Variants in GID4 observed in about 807,000 individuals in gnomAD.
GID4 encodes the protein glucose-induced degradation protein 4 homolog.
Under a neutral mutation model 32.4 loss-of-function variants are expected in GID4, and 7 were observed. The observed-to-expected ratio is 0.22, with a 90% confidence interval of 0.12 to 0.41. The LOEUF (loss-of-function observed/expected upper bound fraction) is 0.41, where lower values mean the gene tolerates loss of function less well. Among genes scored for constraint, GID4 ranks in the 10% least tolerant of loss-of-function variants. The probability of loss-of-function intolerance (pLI) is 1.00; values close to 1 mark genes in which losing one functional copy is unlikely to be tolerated. For synonymous variants in GID4, 166 were observed against 170.0 expected (o/e 0.98, Z 0.18); for missense variants, 309 against 400.0 (o/e 0.77, Z 1.94).
intron 3 of GID4, chr17:18,056,883 A>G: frequency 6.4e-7 from 1 of 1,550,530 alleles, no homozygotes; most frequent in Non-Finnish European, 8.7e-7. Context: ...AGTACTCAGC[A>G]TTTCCCCTAA....
rs1354738399 is a variant in GID4, at chr17:18,066,774, ATT to A, written c.*1534_*1535del. ...TTTCTGTTCTTAAGAAGTGACTTTA[ATT>A]TTATTGACATATGTACTGTATGTTA... On this transcript the variant is annotated 3_prime_UTR_variant, in exon 6 of 6. Coordinates refer to ENST00000268719, the MANE Select transcript of GID4 (RefSeq NM_024052.5). The A allele has an allele frequency of 2.0e-5, 3 of 152,162 alleles. No homozygotes were observed. The highest frequency in any genetic ancestry group is 2.0e-4 in the Admixed American group (3 of 15,272). The allele number at this position is 152,162 out of a possible 1,614,324, so 9.4% of individuals were successfully genotyped here.
At chr17:18,044,491 A>T (rs2044833454) in intron 1 of GID4, among the ~76,000 whole-genome samples, 1 of 152,218 alleles carries the variant, frequency 6.6e-6, no homozygotes, top group Non-Finnish European at 1.5e-5. Flanking sequence ...GACTCTTTTC[A>T]TTAAGAAACA....
At chr17:18,050,458 G>T (rs1209680878) in intron 2 of GID4, among the ~76,000 whole-genome samples, 4 of 152,230 alleles carry the variant, frequency 2.6e-5, no homozygotes, top group African/African-American at 9.6e-5. Flanking sequence ...AGCTTTCAGG[G>T]GTTACCTGGG....
At chr17:18,057,007 AT>A (rs1322727199) in intron 3 of GID4, 3 of 1,546,984 alleles carry the variant, frequency 1.9e-6, no homozygotes, top group Non-Finnish European at 2.6e-6. Context: ...CTAGGCTGTC[AT>A]TTTTTCATTA....
intron 3 of GID4, chr17:18,057,101 G>A: frequency 6.8e-7 from 1 of 1,477,150 alleles, no homozygotes; most frequent in African/African-American, 1.4e-5. Flanking sequence ...GTACTATAAA[G>A]TCAGGATTCC....
intron 5 of GID4, among the ~76,000 whole-genome samples, chr17:18,062,492 C>G (rs1194630797): frequency 2.6e-5 from 4 of 152,152 alleles, no homozygotes; most frequent in Admixed American, 2.6e-4. Context: ...TGAATGCTAA[C>G]TTTTGCCACC....
At position 18,060,070 on chromosome 17, in the gene GID4, G is replaced by A. The variant is rs559401036; in HGVS notation, c.708+1101G>A. On this transcript the variant is annotated intron_variant, in intron 4 of 5. Coordinates refer to ENST00000268719, the MANE Select transcript of GID4 (RefSeq NM_024052.5). The stretch of plus-strand genomic sequence containing the variant: ...CACTGCACTCCAGCCTGGCGACAGA[G>A]CAAGACTCCATCTCAAAAAAAAAAA... Among the ~76,000 whole-genome samples, 10 of 119,182 alleles carry A rather than the reference G, an allele frequency of 8.4e-5. No individual in the cohort carries two copies. The South Asian group carries it at 2.7e-3, about 32-fold the overall frequency. 78.2% of individuals were successfully genotyped at this position (119,182 alleles called of 152,430 possible).
At chr17:18,040,855 A>G (rs1050738655) in intron 1 of GID4, among the ~76,000 whole-genome samples, 24 of 152,298 alleles carry the variant, frequency 1.6e-4, no homozygotes, top group African/African-American at 5.5e-4. Context: ...GTTCATGTCC[A>G]GTCGCCTCCC....
rs992364339 is a variant in GID4, at chr17:18,061,086, A to C, written c.709-759A>C. On this transcript the variant is annotated intron_variant, in intron 4 of 5. Coordinates refer to ENST00000268719, the MANE Select transcript of GID4 (RefSeq NM_024052.5). The surrounding 1 kb of genome is among the most constrained non-coding windows in gnomAD (Gnocchi z 4.4). ...CACAATTTTAGAAGTTGAATAAGGA[A>C]TGGGAGGGTGTCTTAAATTTGTTTA... Among the ~76,000 whole-genome samples the C allele has an allele frequency of 6.6e-6, 1 of 152,200 alleles. No individual in the cohort carries two copies. Among genetic ancestry groups the C allele is most frequent in the African/African-American group, 2.4e-5 (1 of 41,454 alleles).
chr17:18,045,464 T>C (rs1283431365), intron 2 of GID4, among the ~76,000 whole-genome samples: 1 of 152,224 alleles, frequency 6.6e-6, no homozygotes, highest in Non-Finnish European at 1.5e-5. Context: ...GATTTTATTT[T>C]TAATCCTTTT....
At chr17:18,041,918 C>T (rs1029104813) in intron 1 of GID4, among the ~76,000 whole-genome samples, 1 of 152,178 alleles carries the variant, frequency 6.6e-6, no homozygotes, top group Admixed American at 6.5e-5. Context: ...TGGTGGATGG[C>T]TGGGAGCCAC....
In GID4 at chr17:18,061,403, G is replaced by A. The variant is rs2955356; in HGVS notation, c.709-442G>A. Reference sequence around the variant, plus strand: ...TGCTTTGCACTCAGAATGGTCCACAGACCTACAGAAGCGACTCACTGTTCT... The same window carrying A: ...TGCTTTGCACTCAGAATGGTCCACAAACCTACAGAAGCGACTCACTGTTCT... On this transcript the variant is annotated intron_variant, in intron 4 of 5. Transcript: ENST00000268719. This position sits in a 1 kb window ranked among gnomAD's most constrained non-coding sequence, Gnocchi z 4.4. Among the ~76,000 whole-genome samples, 86,364 of 152,062 alleles carry A rather than the reference G, an allele frequency of 0.57. 25,861 individuals are homozygous for A. Among genetic ancestry groups the A allele is most frequent in the Non-Finnish European group, 0.68 (46,022 of 67,980 alleles).
intron 1 of GID4, among the ~76,000 whole-genome samples, chr17:18,043,210 G>T (rs943752018): frequency 9.9e-5 from 15 of 152,178 alleles, no homozygotes; most frequent in African/African-American, 3.6e-4. Flanking sequence ...AGCTGTATGC[G>T]TTGTGGTGTA....
At chr17:18,056,436 C>T (rs574218676) in intron 3 of GID4, among the ~76,000 whole-genome samples, 65 of 152,292 alleles carry the variant, frequency 4.3e-4, no homozygotes, top group African/African-American at 1.2e-3. Context: ...GTACCATCTG[C>T]GCCCACCCCT....
chr17:18,049,142 C>T (rs574023772), intron 2 of GID4, among the ~76,000 whole-genome samples: 17 of 151,214 alleles, frequency 1.1e-4, no homozygotes, highest in African/African-American at 4.1e-4. Flanking sequence ...TTGAGACCAG[C>T]TTGGACAACA....
chr17:18,048,192 C>T (rs140598020), intron 2 of GID4, among the ~76,000 whole-genome samples: 2,365 of 151,284 alleles, frequency 0.016, 32 homozygotes, highest in Non-Finnish European at 0.021. Context: ...TGAGCCACCA[C>T]GCCTGGCCGA....
At chr17:18,062,050 A>G (rs1455107011) in intron 5 of GID4, 75 bp downstream of exon 5, 1 of 1,380,218 alleles carries the variant, frequency 7.2e-7, no homozygotes, top group Non-Finnish European at 1.0e-6. Flanking sequence ...CATCAAACCC[A>G]AAAGCAACAT....
chr17:18,047,149 GT>G (rs1597691056), intron 2 of GID4, among the ~76,000 whole-genome samples: 1 of 152,326 alleles, frequency 6.6e-6, no homozygotes, highest in East Asian at 1.9e-4. Flanking sequence ...CTCCTATGAA[GT>G]TTGTTGTTGA....
In GID4 at chr17:18,068,371, A is replaced by AT. The variant is rs1168686077; in HGVS notation, c.*3131dup. The AT allele has an allele frequency of 8.4e-5, 8 of 94,976 alleles. No homozygotes were observed. The highest frequency in any genetic ancestry group is 2.7e-4 in the African/African-American group (7 of 25,952). The allele number at this position is 94,976 out of a possible 1,614,324, so 5.9% of individuals were successfully genotyped here. ...TTGCAGAGCTATCAATGTCCAAATA[A>AT]TTTAAAAAAAAAAATAAAGGTATTT... On this transcript the variant is annotated 3_prime_UTR_variant, in exon 6 of 6. Coordinates refer to ENST00000268719, the MANE Select transcript of GID4 (RefSeq NM_024052.5).
Sources: gnomAD v4.1 joint callset for allele counts (sites outside exome capture counted in the v4.1 genomes callset) on GRCh38, gnomAD v4.1.1 for gene constraint, Gnocchi (gnomAD v3.1) non-coding constraint, MANE v1.5 for transcripts, NCBI Gene and HGNC (gene_info 2026-07-23, HGNC 2026-07-21) for gene names.